The following SVOPL variants were observed in gnomAD, a reference collection of about 807,000 sequenced individuals.
SVOPL encodes putative transporter SVOPL.
SVOPL carries 60 observed loss-of-function variants against 61.0 expected under a neutral mutation model. The ratio of observed to expected loss-of-function variants is 0.98; its 90% CI spans 0.80 to 1.22. The LOEUF is 1.22. SVOPL is among the 50% of genes most tolerant of loss of function. SVOPL has a pLI of 0.00. For synonymous variants in SVOPL, 279 were observed against 250.0 expected, an observed-to-expected ratio of 1.12 and a Z score of -1.09; for missense variants, 662 against 643.9, an observed-to-expected ratio of 1.03 and a Z score of -0.30.
intron 9 of SVOPL, among the ~76,000 whole-genome samples, chr7:138,636,076 A>T (rs750131491): frequency 6.6e-6 from 1 of 151,742 alleles, no homozygotes; most frequent in Non-Finnish European, 1.5e-5. Context: ...CTACAGGCGC[A>T]CACCACTACA....
At chr7:138,649,985 C>A (rs556473349) in intron 7 of SVOPL, among the ~76,000 whole-genome samples, 2 of 152,202 alleles carry the variant, frequency 1.3e-5, no homozygotes, top group South Asian at 4.2e-4. Flanking sequence ...GCGCGTGCCA[C>A]CACACCCAGC....
chr7:138,671,962 G>GA lies in SVOPL; in HGVS notation c.273+56dup, dbSNP rs377651736. 1.3e-3 allele frequency: 1,966 copies of GA among 1,490,736 alleles called. 30 individuals are homozygous for GA. The African/African-American group carries it at 0.023, about 18-fold the overall frequency. The allele number at this position is 1,490,736 out of a possible 1,614,324, so 92.3% of individuals were successfully genotyped here. A position where few individuals can be genotyped will look rare whatever the true frequency, so the allele number is the denominator to read the frequency against. On this transcript the variant is annotated intron_variant, in intron 4 of 15. Coordinates refer to ENST00000674285, the MANE Select transcript of SVOPL (RefSeq NM_001139456.2). ...TGGCTCTCAGCCCTGCAGGATGGAG[G>GA]AAAGGGAGCCTACGCCCTCAGTTGC... is the stretch of plus-strand genomic sequence containing the variant.
intron 14 of SVOPL, among the ~76,000 whole-genome samples, chr7:138,609,739 G>C (rs1390148272): frequency 1.3e-5 from 2 of 151,318 alleles, no homozygotes; most frequent in East Asian, 3.9e-4. Flanking sequence ...GGGGGCGTTG[G>C]GGGTGGGGAG....
intron 4 of SVOPL, chr7:138,664,099 C>T (rs1268826142): frequency 3.3e-6 from 2 of 598,544 alleles, no homozygotes; most frequent in Non-Finnish European, 4.2e-6. Context: ...AACCTGTCCG[C>T]TCGCTGGGGC....
intron 4 of SVOPL, chr7:138,664,182 C>CCAGGG: frequency 1.1e-6 from 1 of 937,960 alleles, no homozygotes; most frequent in Non-Finnish European, 1.3e-6. Context: ...TGCACCCTAC[C>CCAGGG]CTGCCCTCCC....
chr7:138,657,127 C>CTTATTTGT (rs1457552934), intron 6 of SVOPL, among the ~76,000 whole-genome samples: 1 of 141,498 alleles, frequency 7.1e-6, no homozygotes, highest in South Asian at 2.3e-4. Flanking sequence ...ATTCCCTTTT[C>CTTATTTGT]TTATTTGTTT....
At chr7:138,681,251 TAAAC>T (rs555032588) in intron 1 of SVOPL, among the ~76,000 whole-genome samples, 18 of 147,888 alleles carry the variant, frequency 1.2e-4, no homozygotes, top group South Asian at 2.1e-4. Context: ...ATAATAAATA[TAAAC>T]AAACAAACCC....
In SVOPL at chr7:138,632,227, T is replaced by C. The variant is rs575128737; in HGVS notation, c.790-2105A>G. 1.8e-4 allele frequency among the ~76,000 whole-genome samples: 28 copies of C among 151,774 alleles called. No homozygotes were observed. In the East Asian group the frequency reaches 4.5e-3, roughly 24 times the overall value. ...CTGGCAGATCACCTGAGGTCAGGGG[T>C]TCAAGACCAGCCTGGCCAACATGGT... On this transcript the variant is annotated intron_variant, in intron 9 of 15. Transcript: ENST00000674285.
At chr7:138,626,534 A>G (rs1195410562) in intron 12 of SVOPL, among the ~76,000 whole-genome samples, 1 of 152,140 alleles carries the variant, frequency 6.6e-6, no homozygotes, top group Non-Finnish European at 1.5e-5. Flanking sequence ...CTGGGACTAT[A>G]GACATCCACA....
At chr7:138,672,481 TTTG>T (rs1802448216) in intron 3 of SVOPL, among the ~76,000 whole-genome samples, 1 of 152,034 alleles carries the variant, frequency 6.6e-6, no homozygotes, top group Admixed American at 6.6e-5. Context: ...ATCAACTAGC[TTTG>T]TTGTTTTGTA....
At chr7:138,680,233 G>C (rs555660367) in intron 1 of SVOPL, among the ~76,000 whole-genome samples, 1 of 147,842 alleles carries the variant, frequency 6.8e-6, no homozygotes, top group Non-Finnish European at 1.5e-5. Context: ...GCAGTGGCAC[G>C]ATCTCGGCTC....
intron 14 of SVOPL, among the ~76,000 whole-genome samples, chr7:138,617,866 C>T (rs1010954812): frequency 2.0e-5 from 3 of 152,014 alleles, no homozygotes; most frequent in Non-Finnish European, 2.9e-5. Flanking sequence ...AAGTAGGTAA[C>T]TGATCCCATC....
rs1224677208 is a variant in SVOPL at position 138,597,269 on chromosome 7, T to G, written c.1354-739A>C. 4.0e-6 allele frequency: 5 copies of G among 1,263,128 alleles called. No individual in the cohort carries two copies. The South Asian group carries it at 6.3e-5, about 16-fold the overall frequency. The allele number at this position is 1,263,128 out of a possible 1,614,324, so 78.2% of individuals were successfully genotyped here. A position where few individuals can be genotyped will look rare whatever the true frequency, so the allele number is the denominator to read the frequency against. ...AGCTCTCTAGAATCACAGAATAATG[T>G]ATTATAATTTAGAAAGACCTAGAAA... is the stretch of plus-strand genomic sequence containing the variant. On this transcript the variant is annotated intron_variant, in intron 14 of 15. Transcript: ENST00000674285.
intron 13 of SVOPL, among the ~76,000 whole-genome samples, 155 bp downstream of exon 13, chr7:138,625,814 T>C (rs967202576): frequency 6.6e-6 from 1 of 152,108 alleles, no homozygotes; most frequent in African/African-American, 2.4e-5. Context: ...GAAGGGGAAA[T>C]TCATATCAAA....
chr7:138,603,934 T>C (rs1798635308), intron 14 of SVOPL, among the ~76,000 whole-genome samples: 1 of 151,522 alleles, frequency 6.6e-6, no homozygotes, highest in Non-Finnish European at 1.5e-5. Flanking sequence ...ATTATTTCTG[T>C]CTCAAAAACC....
rs180908342 is a variant in SVOPL at position 138,642,740 on chromosome 7, G to A, written c.789+1977C>T. Among the ~76,000 whole-genome samples, 584 of 150,958 alleles carry A rather than the reference G, an allele frequency of 3.9e-3. 1 individual carries two copies. Among genetic ancestry groups the A allele is most frequent in the Non-Finnish European group, 7.3e-3 (493 of 67,938 alleles). ...AGCTACTCAGGAGGCTGAGGCAGGA[G>A]GATCACTTGAACCCAGGAGGCAGAG... On this transcript the variant is annotated intron_variant, in intron 9 of 15. Transcript: ENST00000674285.
At chr7:138,660,539 G>A in intron 5 of SVOPL, 1 of 985,926 alleles carries the variant, frequency 1.0e-6, no homozygotes, top group Non-Finnish European at 1.2e-6. Flanking sequence ...TGTTCCAGTG[G>A]AAAGATGTAC....
At chr7:138,699,044 C>T (rs764239396) in intron 1 of SVOPL, among the ~76,000 whole-genome samples, 13 of 152,158 alleles carry the variant, frequency 8.5e-5, no homozygotes, top group Admixed American at 4.6e-4. Context: ...CCCAACTACT[C>T]GGGAGGCTGA....
intron 9 of SVOPL, among the ~76,000 whole-genome samples, chr7:138,639,725 G>A (rs1322343499): frequency 1.3e-5 from 2 of 152,006 alleles, no homozygotes; most frequent in African/African-American, 2.4e-5. Context: ...ACAGGGTCTC[G>A]CCCTGTTGTC....
Sources: gnomAD v4.1 joint callset for allele counts (sites outside exome capture counted in the v4.1 genomes callset) on GRCh38, gnomAD v4.1.1 for gene constraint, MANE v1.5 for transcripts, NCBI Gene and HGNC (gene_info 2026-07-23, HGNC 2026-07-21) for gene names.